Variants in CNTNAP3B observed in about 807,000 individuals in gnomAD.
CNTNAP3B encodes contactin-associated protein-like 3B.
Under a neutral mutation model 108.9 loss-of-function variants are expected in CNTNAP3B, and 25 were observed. The ratio of observed to expected loss-of-function variants is 0.23; its 90% confidence interval spans 0.17 to 0.32. The LOEUF is 0.32. Among genes scored for constraint, CNTNAP3B ranks in the 10% least tolerant of loss-of-function variants. CNTNAP3B has a pLI of 1.00. For missense variants in CNTNAP3B, 252 were observed against 1,210.4 expected, an observed-to-expected ratio of 0.21 and a Z score of 11.75; for synonymous variants, 103 against 473.4, an observed-to-expected ratio of 0.22 and a Z score of 10.16.
Position 41,941,986 on chromosome 9 carries a change from C to A in CNTNAP3B, c.2081-3586G>T, listed in dbSNP as rs1307412240. 3.9e-5 allele frequency among the ~76,000 whole-genome samples: 6 copies of A among 152,390 alleles called. No homozygotes were observed. The East Asian group carries it at 1.2e-3, about 29-fold the overall frequency. On this transcript the variant is annotated intron_variant, in intron 13 of 23. Coordinates refer to ENST00000377561, the MANE Select transcript of CNTNAP3B (RefSeq NM_001201380.3). Reference sequence around the variant, plus strand: ...AAATAAGCGCTGAACATTATGTTCTCCTTAACAACATTCTAATCCCCCAAA... The same window carrying A: ...AAATAAGCGCTGAACATTATGTTCTACTTAACAACATTCTAATCCCCCAAA...
At chr9:41,932,418 C>T (rs1824004358) in intron 14 of CNTNAP3B, among the ~76,000 whole-genome samples, 1 of 151,640 alleles carries the variant, frequency 6.6e-6, no homozygotes, top group Admixed American at 6.6e-5. Context: ...TATTATTTGC[C>T]AGGGAACTTT....
chr9:42,010,579 A>G (rs1826116055), intron 4 of CNTNAP3B, among the ~76,000 whole-genome samples: 1 of 119,840 alleles, frequency 8.3e-6, no homozygotes, highest in Non-Finnish European at 1.7e-5. Flanking sequence ...CCTCTGGGAA[A>G]CAATCCTAGT....
Position 42,129,204 on chromosome 9 carries a change from C to T in CNTNAP3B, c.-110G>A. 1.4e-6 allele frequency: 2 copies of T among 1,424,222 alleles called. No homozygotes were observed. Among genetic ancestry groups the T allele is most frequent in the South Asian group, 1.3e-5 (1 of 75,090 alleles). The allele number at this position is 1,424,222 out of a possible 1,614,324, so 88.2% of individuals were successfully genotyped here. A position where few individuals can be genotyped will look rare whatever the true frequency, so the allele number is the denominator to read the frequency against. On this transcript the variant is annotated 5_prime_UTR_variant, in exon 1 of 24. Coordinates refer to ENST00000377561, the MANE Select transcript of CNTNAP3B (RefSeq NM_001201380.3). ...CGTCCCCTGCGCGGCTCCGACGCTG[C>T]TCTGTCTCCCCTGTCCAGTCTCTAG...
rs1826006751 is a variant in CNTNAP3B, at chr9:42,001,586, G to A, written c.539-2982C>T. Reference sequence around the variant, plus strand: ...AAATTCAATTATATAAATAGGAAATGTAGTGGGATACTGGAAAATTAATGT... The same window carrying A: ...AAATTCAATTATATAAATAGGAAATATAGTGGGATACTGGAAAATTAATGT... On this transcript the variant is annotated intron_variant, in intron 4 of 23. Transcript: ENST00000377561. Among the ~76,000 whole-genome samples, 3 of 136,494 alleles carry A rather than the reference G, an allele frequency of 2.2e-5. No homozygotes were observed. In the South Asian group the frequency reaches 7.0e-4, roughly 32 times the overall value. The allele number at this position is 136,494 out of a possible 152,430, so 89.5% of individuals were successfully genotyped here. A position where few individuals can be genotyped will look rare whatever the true frequency, so the allele number is the denominator to read the frequency against.
chr9:41,934,115 A>ATATATATATATATATATATATG (rs1824071450), intron 14 of CNTNAP3B, among the ~76,000 whole-genome samples: 1 of 138,648 alleles, frequency 7.2e-6, no homozygotes, highest in East Asian at 2.0e-4. Context: ...ATATATATAT[A>ATATATATATATATATATATATG]TATATATACA....
chr9:41,934,601 A>C (rs1478660638), intron 14 of CNTNAP3B, among the ~76,000 whole-genome samples: 1 of 152,250 alleles, frequency 6.6e-6, no homozygotes, highest in African/African-American at 2.4e-5. Flanking sequence ...TCAGCATTAG[A>C]TAGAGTTCAA....
chr9:41,918,303 A>G (rs1426999921), intron 18 of CNTNAP3B, among the ~76,000 whole-genome samples: 3 of 149,668 alleles, frequency 2.0e-5, no homozygotes, highest in Non-Finnish European at 4.5e-5. Flanking sequence ...TCTCAAATTT[A>G]CTGTCTGGAT....
intron 13 of CNTNAP3B, among the ~76,000 whole-genome samples, chr9:41,950,431 C>A (rs1292634073): frequency 1.5e-5 from 2 of 134,448 alleles, no homozygotes; most frequent in Non-Finnish European, 3.2e-5. Flanking sequence ...AAAACCTGTA[C>A]ACAATGTTCA....
At chr9:42,046,170 G>A (rs1465726920) in intron 3 of CNTNAP3B, among the ~76,000 whole-genome samples, 1 of 117,888 alleles carries the variant, frequency 8.5e-6, no homozygotes, top group Non-Finnish European at 1.7e-5. Flanking sequence ...TGAGAAACCA[G>A]GAGTTTCCAG....
chr9:41,953,075 A>G (rs1248825993), intron 13 of CNTNAP3B, 108 bp downstream of exon 13: 2 of 1,265,802 alleles, frequency 1.6e-6, no homozygotes, highest in Admixed American at 3.4e-5. Context: ...GCTTTGAACT[A>G]AGAGCCACGG....
chr9:41,935,212 C>T (rs1306082953), intron 14 of CNTNAP3B, among the ~76,000 whole-genome samples: 1 of 152,276 alleles, frequency 6.6e-6, no homozygotes, highest in African/African-American at 2.4e-5. Context: ...TCTTACTGTG[C>T]CTGAGGAACT....
Position 41,929,395 on chromosome 9 carries a change from G to T in CNTNAP3B, c.2287C>A (p.Gln763Lys). 1 of 1,541,886 alleles carries T rather than the reference G, an allele frequency of 6.5e-7. No individual in the cohort carries two copies. The highest frequency in any genetic ancestry group is 8.8e-7 in the Non-Finnish European group (1 of 1,138,164). Residue 763 changes from glutamine to lysine, a missense_variant, in exon 15 of 24, where the codon CAG becomes AAG. Gln to Lys is a moderately conservative substitution (Grantham distance 53). Transcript: ENST00000377561. ...LSQKEHLPVT[Q>K]IVMTDTGQPH... The stretch of plus-strand genomic sequence containing the variant: ...TGGCCTGTGTCTGTCATCACAATCT[G>T]AGTGACTGGGAGGTGCTCCTTTTGG...
At chr9:42,047,331 CA>C (rs1407527925) in intron 3 of CNTNAP3B, among the ~76,000 whole-genome samples, 1 of 129,218 alleles carries the variant, frequency 7.7e-6, no homozygotes, top group Non-Finnish European at 1.6e-5. Flanking sequence ...TAGCCTTCAG[CA>C]TACAAAGTAA....
rs200761397 is a variant in CNTNAP3B at position 42,057,204 on chromosome 9, CTT to C, written c.390+19663_390+19664del. ...ATCTAGAATCAACCTTTATTATGTACTTTTTTTTTTTTTTGAGACAGACTCTC... is the reference window on the plus strand; with the variant it reads ...ATCTAGAATCAACCTTTATTATGTACTTTTTTTTTTTTGAGACAGACTCTC... On this transcript the variant is annotated intron_variant, in intron 3 of 23. Transcript: ENST00000377561. Among the ~76,000 whole-genome samples, 52 of 19,770 alleles carry C rather than the reference CTT, an allele frequency of 2.6e-3. 2 individuals are homozygous for C. The highest frequency in any genetic ancestry group is 7.6e-3 in the South Asian group (5 of 660). 13.0% of individuals were successfully genotyped at this position (19,770 alleles called of 152,430 possible). A position where few individuals can be genotyped will look rare whatever the true frequency, so the allele number is the denominator to read the frequency against.
intron 17 of CNTNAP3B, among the ~76,000 whole-genome samples, chr9:41,921,057 G>A (rs1234468548): frequency 6.6e-6 from 1 of 152,064 alleles, no homozygotes; most frequent in Non-Finnish European, 1.5e-5. Context: ...AGAGTTTCTG[G>A]AAAATGCAGT....
At chr9:42,072,081 TG>T (rs1827389799) in intron 3 of CNTNAP3B, among the ~76,000 whole-genome samples, 1 of 137,752 alleles carries the variant, frequency 7.3e-6, no homozygotes, top group Non-Finnish European at 1.5e-5. Flanking sequence ...AATTTCACAA[TG>T]AATTAAAAAG....
chr9:41,979,668 T>TATTTTATATATATATATATATATA (rs1230970425), intron 9 of CNTNAP3B: 1 of 26,310 alleles, frequency 3.8e-5, no homozygotes, highest in Non-Finnish European at 1.0e-4. Flanking sequence ...TATATATATA[T>TATTTTATATATATATATATATATA]TTTTTTTTTC....
At chr9:41,944,280 A>T (rs1824455585) in intron 13 of CNTNAP3B, among the ~76,000 whole-genome samples, 1 of 148,728 alleles carries the variant, frequency 6.7e-6, no homozygotes, top group Non-Finnish European at 1.5e-5. Flanking sequence ...AAAAATTAAA[A>T]TAAAATCTAG....
At chr9:42,051,973 T>G (rs1201662820) in intron 3 of CNTNAP3B, among the ~76,000 whole-genome samples, 1 of 151,514 alleles carries the variant, frequency 6.6e-6, no homozygotes, top group African/African-American at 2.4e-5. Context: ...GTAAAAAGAA[T>G]GACATGGTGT....
Sources: allele counts gnomAD v4.1 joint callset (sites outside exome capture counted in the v4.1 genomes callset), GRCh38; gene constraint gnomAD v4.1.1; transcripts MANE v1.5; gene names NCBI Gene and HGNC (gene_info 2026-07-23, HGNC 2026-07-21).